PTPRK: variants seen among roughly 807,000 people sequenced by gnomAD.
PTPRK encodes the protein protein tyrosine phosphatase receptor type K.
PTPRK carries 75 observed loss-of-function variants against 178.0 expected under a neutral mutation model. The ratio of observed to expected loss-of-function variants is 0.42; its 90% CI spans 0.35 to 0.51. PTPRK has a LOEUF of 0.51. Ranked by LOEUF, PTPRK falls within the 20% of genes least tolerant of loss-of-function variation. The pLI is 0.02. For synonymous variants in PTPRK, 637 were observed against 620.6 expected (o/e 1.03, Z -0.39); for missense variants, 1,441 against 1,797.8 (o/e 0.80, Z 3.59).
intron 13 of PTPRK, among the ~76,000 whole-genome samples, chr6:128,044,839 G>GTA (rs758523526): frequency 1.1e-3 from 163 of 151,622 alleles, no homozygotes; most frequent in African/African-American, 3.2e-3. Context: ...ATGTGTGTGT[G>GTA]TATATATATA....
chr6:128,220,597 T>C (rs999812973), intron 5 of PTPRK, among the ~76,000 whole-genome samples: 1 of 152,176 alleles, frequency 6.6e-6, no homozygotes, highest in African/African-American at 2.4e-5. Flanking sequence ...TGTTACTATC[T>C]AGTAAAGTTG....
At chr6:128,192,169 G>A (rs927259602) in intron 6 of PTPRK, among the ~76,000 whole-genome samples, 3 of 152,134 alleles carry the variant, frequency 2.0e-5, no homozygotes, top group Admixed American at 2.0e-4. Flanking sequence ...ATGGGAAAAT[G>A]GGAGGTAAAT....
At position 127,981,243 on chromosome 6, in the gene PTPRK, A is replaced by G; in HGVS notation, c.3584T>C (p.Ile1195Thr). The change falls in exon 25 of 30, where the codon ATA becomes ACA. Residue 1195 changes from isoleucine (I) to threonine (T), a missense_variant. By Grantham distance (89) the Ile-to-Thr change is moderately conservative. Coordinates refer to ENST00000368226, the MANE Select transcript of PTPRK (RefSeq NM_002844.4). Reference sequence around the variant, plus strand: ...GTCATGGTTCCTTGGCAGGCACGCTATACTGCAGTCTTCAGCTTGTAGTCG... The same window carrying G: ...GTCATGGTTCCTTGGCAGGCACGCTGTACTGCAGTCTTCAGCTTGTAGTCG... ...TPRLQAEDCSIACLPRNHDKN... is the reference protein window; with the variant it reads ...TPRLQAEDCSTACLPRNHDKN... The G allele has an allele frequency of 6.2e-7, 1 of 1,613,938 alleles. No homozygotes were observed. Among genetic ancestry groups the G allele is most frequent in the Non-Finnish European group, 8.5e-7 (1 of 1,179,920 alleles).
intron 12 of PTPRK, among the ~76,000 whole-genome samples, chr6:128,065,018 A>T (rs1180047505): frequency 6.6e-6 from 1 of 152,212 alleles, no homozygotes; most frequent in Non-Finnish European, 1.5e-5. Context: ...AGATGTAAAT[A>T]TTTGTTTTTA....
intron 2 of PTPRK, among the ~76,000 whole-genome samples, chr6:128,363,177 G>A (rs1425075283): frequency 2.0e-5 from 3 of 152,206 alleles, no homozygotes; most frequent in East Asian, 1.9e-4. Context: ...TTCTCATCCT[G>A]CTTGCAGTTA....
chr6:128,117,641 T>C (rs1791764078), intron 7 of PTPRK, among the ~76,000 whole-genome samples: 1 of 152,168 alleles, frequency 6.6e-6, no homozygotes, highest in South Asian at 2.1e-4. Flanking sequence ...GTTTTCAGGA[T>C]ATAAATATTC....
At chr6:128,293,905 T>C (rs1048299930) in intron 3 of PTPRK, among the ~76,000 whole-genome samples, 7 of 152,096 alleles carry the variant, frequency 4.6e-5, no homozygotes, top group Non-Finnish European at 1.0e-4. Flanking sequence ...TCCTTGTGCA[T>C]ACATTGTGAT....
In PTPRK at chr6:127,999,481, C is replaced by T. The variant is rs369006579; in HGVS notation, c.2495-577G>A. Reference sequence around the variant, plus strand: ...CACTCTGTCTGCTAGCCAGACTACACGTGCATTTATATTCAACCTCTGCCG... The same window carrying T: ...CACTCTGTCTGCTAGCCAGACTACATGTGCATTTATATTCAACCTCTGCCG... On this transcript the variant is annotated intron_variant, in intron 15 of 29. Coordinates refer to ENST00000368226, the MANE Select transcript of PTPRK (RefSeq NM_002844.4). 4.1e-4 allele frequency among the ~76,000 whole-genome samples: 62 copies of T among 152,104 alleles called. 1 individual carries two copies. The East Asian group carries it at 8.0e-3, about 20-fold the overall frequency.
intron 1 of PTPRK, among the ~76,000 whole-genome samples, chr6:128,491,477 C>T (rs144186390): frequency 7.2e-5 from 11 of 152,274 alleles, no homozygotes; most frequent in South Asian, 2.1e-4. Context: ...ATAAAGAATG[C>T]GGAAAGAATG....
Position 128,493,358 on chromosome 6 carries a change from C to T in PTPRK, c.100+26901G>A, listed in dbSNP as rs1002889787. On this transcript the variant is annotated intron_variant, in intron 1 of 29. Coordinates refer to ENST00000368226, the MANE Select transcript of PTPRK (RefSeq NM_002844.4). ...TGGGCTGATCACGAGGTCAGGAGATCAAGACCATCCTGGCTAACACAGTGA... is the reference window on the plus strand; with the variant it reads ...TGGGCTGATCACGAGGTCAGGAGATTAAGACCATCCTGGCTAACACAGTGA... 6.6e-5 allele frequency among the ~76,000 whole-genome samples: 10 copies of T among 152,138 alleles called. No homozygotes were observed. The East Asian group carries it at 1.2e-3, about 18-fold the overall frequency.
At chr6:128,056,746 G>C (rs1171143871) in intron 13 of PTPRK, among the ~76,000 whole-genome samples, 1 of 152,152 alleles carries the variant, frequency 6.6e-6, no homozygotes, top group East Asian at 1.9e-4. Flanking sequence ...TTAAATACCT[G>C]TTCTCCCTTT....
At chr6:128,220,859 CTG>C (rs1810279040) in intron 5 of PTPRK, among the ~76,000 whole-genome samples, 1 of 152,170 alleles carries the variant, frequency 6.6e-6, no homozygotes, top group African/African-American at 2.4e-5. Context: ...AAATTTGGAA[CTG>C]TTAGTTCTCC....
At chr6:128,377,849 T>C (rs570142439) in intron 2 of PTPRK, among the ~76,000 whole-genome samples, 1 of 152,316 alleles carries the variant, frequency 6.6e-6, no homozygotes, top group East Asian at 1.9e-4. Flanking sequence ...TAATTTTCAC[T>C]TACTCTACAG....
chr6:128,487,028 A>C (rs956468201), intron 1 of PTPRK, among the ~76,000 whole-genome samples: 1 of 150,984 alleles, frequency 6.6e-6, no homozygotes. Context: ...CAGGATACAC[A>C]AGAAAGAAGC....
At chr6:128,398,168 G>C (rs1043242235) in intron 1 of PTPRK, among the ~76,000 whole-genome samples, 3 of 152,148 alleles carry the variant, frequency 2.0e-5, no homozygotes, top group Admixed American at 6.5e-5. Context: ...GAACAGTACG[G>C]AATCTTCTCA....
At chr6:128,111,524 A>G (rs556115102) in intron 7 of PTPRK, among the ~76,000 whole-genome samples, 1 of 152,136 alleles carries the variant, frequency 6.6e-6, no homozygotes, top group African/African-American at 2.4e-5. Context: ...AAAAATTGCT[A>G]TTTTACATCA....
chr6:128,454,662 T>C lies in PTPRK; in HGVS notation c.101-56974A>G, dbSNP rs1179149702. 5.9e-5 allele frequency among the ~76,000 whole-genome samples: 9 copies of C among 152,152 alleles called. 1 individual carries two copies. Among genetic ancestry groups the C allele is most frequent in the South Asian group, 2.1e-4 (1 of 4,834 alleles). On this transcript the variant is annotated intron_variant, in intron 1 of 29. Coordinates refer to ENST00000368226, the MANE Select transcript of PTPRK (RefSeq NM_002844.4). ...AGTCACTAATTATCCTTTAAAGAGA[T>C]ATACCTAATAAAAAATGTTATATTT...
At chr6:128,058,982 G>A (rs1254771450) in intron 13 of PTPRK, among the ~76,000 whole-genome samples, 5 of 151,900 alleles carry the variant, frequency 3.3e-5, no homozygotes, top group Non-Finnish European at 5.9e-5. Context: ...AATGGTGAAC[G>A]TGTGTGTGCA....
intron 5 of PTPRK, among the ~76,000 whole-genome samples, chr6:128,224,384 G>A (rs1438488620): frequency 6.6e-6 from 1 of 152,138 alleles, no homozygotes; most frequent in African/African-American, 2.4e-5. Flanking sequence ...CATGCACAGT[G>A]CATGCAGTAT....
Sources: gnomAD v4.1 joint callset for allele counts (sites outside exome capture counted in the v4.1 genomes callset) on GRCh38, gnomAD v4.1.1 for gene constraint, MANE v1.5 for transcripts, NCBI Gene and HGNC (gene_info 2026-07-23, HGNC 2026-07-21) for gene names.